The following ADGRL3 variants were observed in gnomAD, a reference collection of about 807,000 sequenced individuals.
ADGRL3 encodes adhesion G protein-coupled receptor L3.
In ADGRL3, 62 loss-of-function variants were observed where a neutral mutation model predicts 153.5. The observed-to-expected ratio is 0.40, with a 90% CI of 0.33 to 0.50. The LOEUF (loss-of-function observed/expected upper bound fraction) is 0.50, where lower values mean the gene tolerates loss of function less well. Ranked by LOEUF, ADGRL3 falls within the 20% of genes least tolerant of loss-of-function variation. The pLI, the probability that ADGRL3 is intolerant of heterozygous loss-of-function variation, is 0.47. For synonymous variants in ADGRL3, 710 were observed against 672.5 expected (o/e 1.06, Z -0.86); for missense variants, 1,641 against 1,859.4 (o/e 0.88, Z 2.16).
chr4:61,247,528 C>A (rs548533406), intron 1 of ADGRL3, among the ~76,000 whole-genome samples: 12 of 152,046 alleles, frequency 7.9e-5, no homozygotes, highest in Admixed American at 2.6e-4. Context: ...CAACTTATTT[C>A]CCATGTATTG....
At chr4:61,348,061 G>C (rs1350036482) in intron 1 of ADGRL3, among the ~76,000 whole-genome samples, 3 of 151,672 alleles carry the variant, frequency 2.0e-5, no homozygotes, top group Non-Finnish European at 4.4e-5. Context: ...AAGCACCCTT[G>C]GATAATTTTA....
intron 2 of ADGRL3, among the ~76,000 whole-genome samples, chr4:61,485,337 A>C (rs2098178418): frequency 6.6e-6 from 1 of 152,206 alleles, no homozygotes; most frequent in African/African-American, 2.4e-5. Flanking sequence ...TTTAAGACTT[A>C]TTATACAGAT....
chr4:61,494,679 A>G (rs2098294445), intron 2 of ADGRL3, among the ~76,000 whole-genome samples: 1 of 152,142 alleles, frequency 6.6e-6, no homozygotes, highest in Admixed American at 6.6e-5. Context: ...TCTCAACCAA[A>G]TATTTCGTTT....
At chr4:61,234,322 T>A (rs1298685821) in intron 1 of ADGRL3, among the ~76,000 whole-genome samples, 1 of 152,126 alleles carries the variant, frequency 6.6e-6, no homozygotes, top group East Asian at 1.9e-4. Context: ...AAACACCTGA[T>A]AAACCCATCC....
chr4:61,275,348 G>C (rs1361948905), intron 1 of ADGRL3, among the ~76,000 whole-genome samples: 6 of 152,132 alleles, frequency 3.9e-5, no homozygotes, highest in Admixed American at 3.9e-4. Flanking sequence ...ACTTTCTTCA[G>C]TAGTCACAAA....
intron 5 of ADGRL3, among the ~76,000 whole-genome samples, chr4:61,675,626 T>C (rs1055316891): frequency 3.6e-5 from 5 of 138,118 alleles, no homozygotes; most frequent in African/African-American, 1.0e-4. Flanking sequence ...GTTTTTTTTT[T>C]CCTATGGCTT....
intron 1 of ADGRL3, among the ~76,000 whole-genome samples, chr4:61,323,140 C>T (rs181850557): frequency 1.0e-3 from 157 of 152,306 alleles, no homozygotes; most frequent in Non-Finnish European, 1.9e-3. Flanking sequence ...AGCCTAAGCT[C>T]TACATTGGAC....
At chr4:61,475,731 T>G (rs1434031292) in intron 2 of ADGRL3, among the ~76,000 whole-genome samples, 1 of 152,150 alleles carries the variant, frequency 6.6e-6, no homozygotes, top group Non-Finnish European at 1.5e-5. Context: ...AAATTTCAAT[T>G]CAAAAATATT....
intron 1 of ADGRL3, among the ~76,000 whole-genome samples, chr4:61,251,808 T>C (rs1759375189): frequency 6.6e-6 from 1 of 151,584 alleles, no homozygotes; most frequent in Non-Finnish European, 1.5e-5. Flanking sequence ...TTAAAAGTCA[T>C]TGTGATCCTC....
Position 61,482,650 on chromosome 4 carries a change from A to C in ADGRL3, c.-173-14471A>C, listed in dbSNP as rs28414023. ...ACCCAAGATAGAAAAGGCTTTTTGCAGGGATCAAAGTGGTGGTATCTTTAA... is the reference window on the plus strand; with the variant it reads ...ACCCAAGATAGAAAAGGCTTTTTGCCGGGATCAAAGTGGTGGTATCTTTAA... On this transcript the variant is annotated intron_variant, in intron 2 of 26. Transcript: ENST00000683033. Among the ~76,000 whole-genome samples the C allele has an allele frequency of 3.4e-3, 524 of 152,302 alleles. 2 individuals carry two copies. Among genetic ancestry groups the C allele is most frequent in the Non-Finnish European group, 5.8e-3 (397 of 67,996 alleles).
chr4:61,595,167 G>A (rs1394065310), intron 5 of ADGRL3, among the ~76,000 whole-genome samples: 1 of 152,106 alleles, frequency 6.6e-6, no homozygotes, highest in Non-Finnish European at 1.5e-5. Context: ...ATCCCACTGT[G>A]GCTGAGCTGA....
chr4:61,278,527 G>T (rs866607305), intron 1 of ADGRL3, among the ~76,000 whole-genome samples: 1 of 151,772 alleles, frequency 6.6e-6, no homozygotes, highest in Admixed American at 6.6e-5. Context: ...TTTTTGAGAC[G>T]GAGTCTCACT....
chr4:61,320,205 T>C (rs2095325980), intron 1 of ADGRL3, among the ~76,000 whole-genome samples: 1 of 152,186 alleles, frequency 6.6e-6, no homozygotes, highest in South Asian at 2.1e-4. Context: ...ATTTCTGTTG[T>C]TTAAGCTACC....
intron 5 of ADGRL3, among the ~76,000 whole-genome samples, chr4:61,654,255 G>T (rs1029170580): frequency 8.6e-5 from 13 of 151,948 alleles, no homozygotes; most frequent in African/African-American, 2.9e-4. Context: ...GTCATAATTT[G>T]TATTGAATGT....
At chr4:61,948,521 C>T (rs2098934555) in intron 17 of ADGRL3, among the ~76,000 whole-genome samples, 1 of 152,104 alleles carries the variant, frequency 6.6e-6, no homozygotes, top group Admixed American at 6.6e-5. Context: ...CCTAGTCTCC[C>T]TGTTATTTTG....
At chr4:61,612,720 C>T (rs2091521572) in intron 5 of ADGRL3, among the ~76,000 whole-genome samples, 1 of 152,070 alleles carries the variant, frequency 6.6e-6, no homozygotes, top group Non-Finnish European at 1.5e-5. Flanking sequence ...CTTTTGCAAC[C>T]TAGTATGCAG....
At chr4:61,367,356 T>C (rs946392946) in intron 1 of ADGRL3, among the ~76,000 whole-genome samples, 27 of 151,654 alleles carry the variant, frequency 1.8e-4, no homozygotes, top group African/African-American at 1.2e-4. Flanking sequence ...CATCTAGCAT[T>C]AGGTATATCT....
At chr4:61,859,815 A>G (rs1244558708) in intron 9 of ADGRL3, among the ~76,000 whole-genome samples, 1 of 152,198 alleles carries the variant, frequency 6.6e-6, no homozygotes, top group Non-Finnish European at 1.5e-5. Flanking sequence ...GAAGCACTCA[A>G]CAGAGCTGGT....
chr4:61,898,273 T>C (rs1005023099), intron 11 of ADGRL3, among the ~76,000 whole-genome samples: 3 of 152,124 alleles, frequency 2.0e-5, no homozygotes, highest in Non-Finnish European at 2.9e-5. Flanking sequence ...CACTCCCTTC[T>C]CTCACCCTTC....
Sources: allele counts gnomAD v4.1 joint callset (sites outside exome capture counted in the v4.1 genomes callset), GRCh38; gene constraint gnomAD v4.1.1; transcripts MANE v1.5; gene names NCBI Gene and HGNC (gene_info 2026-07-23, HGNC 2026-07-21).